The following RYR2 variants were observed in gnomAD, a reference collection of about 807,000 sequenced individuals.
The protein encoded by RYR2 is ryanodine receptor 2.
RYR2 carries 227 observed loss-of-function variants against 601.1 expected under a neutral mutation model. The ratio of observed to expected loss-of-function variants is 0.38; its 90% CI spans 0.34 to 0.42. The LOEUF (loss-of-function observed/expected upper bound fraction) is 0.42, where lower values mean the gene tolerates loss of function less well. Among genes scored for constraint, RYR2 ranks in the 10% least tolerant of loss-of-function variants. The pLI is 1.00. For missense variants in RYR2, 4,646 were observed against 6,156.5 expected (o/e 0.75, Z 8.21); for synonymous variants, 2,223 against 2,175.1 (o/e 1.02, Z -0.61).
intron 71 of RYR2, among the ~76,000 whole-genome samples, chr1:237,716,412 A>G (rs1306171781): frequency 6.6e-6 from 1 of 152,190 alleles, no homozygotes; most frequent in Admixed American, 6.5e-5. Flanking sequence ...GCTACAAAAT[A>G]TTCAACATGC....
At chr1:237,623,367 C>CTTTCTTTGTTTG (rs1339955020) in intron 38 of RYR2, among the ~76,000 whole-genome samples, 7 of 61,692 alleles carry the variant, frequency 1.1e-4, no homozygotes, top group Admixed American at 2.0e-4. Context: ...TTGTTTCTTT[C>CTTTCTTTGTTTG]TTTCTTTCTT....
intron 101 of RYR2, among the ~76,000 whole-genome samples, chr1:237,826,747 C>G (rs1574108803): frequency 6.6e-6 from 1 of 152,192 alleles, no homozygotes; most frequent in East Asian, 1.9e-4. Context: ...TGAATACCTA[C>G]TATCTGCCCA....
At chr1:237,744,295 A>G (rs964519610) in intron 80 of RYR2, among the ~76,000 whole-genome samples, 4 of 151,584 alleles carry the variant, frequency 2.6e-5, no homozygotes, top group African/African-American at 4.8e-5. Context: ...AAAATCAATC[A>G]TAAACATTCT....
chr1:237,671,335 C>T (rs551659918), intron 58 of RYR2, among the ~76,000 whole-genome samples: 1 of 152,074 alleles, frequency 6.6e-6, no homozygotes, highest in Non-Finnish European at 1.5e-5. Flanking sequence ...AGAGCAGAAA[C>T]GACATGTGTC....
At chr1:237,810,482 A>G (rs1223715210) in intron 100 of RYR2, among the ~76,000 whole-genome samples, 3 of 152,216 alleles carry the variant, frequency 2.0e-5, no homozygotes, top group Non-Finnish European at 4.4e-5. Flanking sequence ...CAGTTGGTGA[A>G]TTGATGGGAA....
intron 14 of RYR2, among the ~76,000 whole-genome samples, chr1:237,450,996 A>ATGTTTATATTGCATATT (rs1261165872): frequency 6.6e-6 from 1 of 151,890 alleles, no homozygotes; most frequent in Non-Finnish European, 1.5e-5. Context: ...TATTGCATAT[A>ATGTTTATATTGCATATT]TATTTATATT....
intron 3 of RYR2, among the ~76,000 whole-genome samples, chr1:237,334,424 A>C (rs948286324): frequency 2.8e-5 from 4 of 143,788 alleles, no homozygotes; most frequent in Admixed American, 1.5e-4. Context: ...ATTTTCTAAA[A>C]TGTCTGTTTA....
At chr1:237,494,078 TAGTC>T (rs1663750857) in intron 19 of RYR2, among the ~76,000 whole-genome samples, 1 of 152,138 alleles carries the variant, frequency 6.6e-6, no homozygotes, top group African/African-American at 2.4e-5. Flanking sequence ...TCCCCTGTAT[TAGTC>T]AGGCTTCTCT....
chr1:237,434,800 G>A (rs1211983733), intron 12 of RYR2, among the ~76,000 whole-genome samples: 1 of 152,046 alleles, frequency 6.6e-6, no homozygotes. Context: ...TTGAGACAGA[G>A]TCTCTCGCTC....
At chr1:237,070,804 C>T (rs1413263641) in intron 1 of RYR2, among the ~76,000 whole-genome samples, 5 of 152,208 alleles carry the variant, frequency 3.3e-5, no homozygotes, top group Non-Finnish European at 7.3e-5. Context: ...TGGATCAGAC[C>T]TACTGCAAGT....
intron 2 of RYR2, among the ~76,000 whole-genome samples, chr1:237,274,933 G>A (rs1281210901): frequency 6.6e-6 from 1 of 152,022 alleles, no homozygotes; most frequent in African/African-American, 2.4e-5. Flanking sequence ...TAGGTGTATA[G>A]GAGGCTGTAC....
intron 1 of RYR2, among the ~76,000 whole-genome samples, chr1:237,229,206 GA>G (rs1684713393): frequency 2.6e-5 from 4 of 152,102 alleles, no homozygotes; most frequent in Admixed American, 2.0e-4. Flanking sequence ...GATAAACCTG[GA>G]AAAATACTTA....
intron 1 of RYR2, among the ~76,000 whole-genome samples, chr1:237,148,249 C>T (rs1222465143): frequency 6.6e-6 from 1 of 151,844 alleles, no homozygotes; most frequent in African/African-American, 2.4e-5. Context: ...CGTGCACGTG[C>T]AGGAACAGAA....
intron 17 of RYR2, among the ~76,000 whole-genome samples, chr1:237,473,477 C>CTTTCTTCTTCT (rs1553464755): frequency 1.4e-5 from 2 of 145,548 alleles, no homozygotes; most frequent in Non-Finnish European, 1.5e-5. Context: ...ATCTATCTAT[C>CTTTCTTCTTCT]TGGCATATAT....
intron 38 of RYR2, among the ~76,000 whole-genome samples, chr1:237,617,935 C>G (rs1678653471): frequency 6.6e-6 from 1 of 152,122 alleles, no homozygotes; most frequent in African/African-American, 2.4e-5. Context: ...TTGCTTACCC[C>G]CAAAGTCAGG....
intron 10 of RYR2, among the ~76,000 whole-genome samples, chr1:237,412,579 T>C (rs1704558408): frequency 6.6e-6 from 1 of 152,226 alleles, no homozygotes; most frequent in Non-Finnish European, 1.5e-5. Flanking sequence ...TCCAGTTCTT[T>C]TAGCACATAC....
chr1:237,759,507 A>G (rs1693235699), intron 82 of RYR2, among the ~76,000 whole-genome samples: 1 of 152,208 alleles, frequency 6.6e-6, no homozygotes, highest in African/African-American at 2.4e-5. Flanking sequence ...AAGAGTGACC[A>G]GGAGAGAATT....
In RYR2 at chr1:237,142,891, G is replaced by A. The variant is rs767833650; in HGVS notation, c.48+100322G>A. On this transcript the variant is annotated intron_variant, in intron 1 of 104. Transcript: ENST00000366574. ...GGAAACCAGCATTGCAGGTAATTTC[G>A]GGGGCCTCTCGGTAGCACCGGCTCC... Among the ~76,000 whole-genome samples the A allele has an allele frequency of 1.5e-4, 23 of 152,150 alleles. No homozygotes were observed. The East Asian group carries it at 3.7e-3, about 24-fold the overall frequency.
At position 237,783,955 on chromosome 1, in the gene RYR2, A is replaced by G. The variant is rs766202701; in HGVS notation, c.12243A>G (p.Glu4081=). The change falls in exon 90 of 105, where the codon GAA becomes GAG. Residue 4081 remains glutamate (E), a synonymous_variant. Transcript: ENST00000366574. The part of the protein sequence containing the change: ...ETDENETLDY[E]EFVKRFHEPA... The stretch of plus-strand genomic sequence containing the variant: ...ATGAGAATGAAACCCTCGACTACGA[A>G]GAGTTCGTCAAACGCTTCCACGAAC... The G allele has an allele frequency of 1.9e-6, 3 of 1,613,722 alleles. No individual in the cohort carries two copies. The highest frequency in any genetic ancestry group is 1.7e-5 in the Admixed American group (1 of 59,998).
Sources: gnomAD v4.1 joint callset for allele counts (sites outside exome capture counted in the v4.1 genomes callset) on GRCh38, gnomAD v4.1.1 for gene constraint, MANE v1.5 for transcripts, NCBI Gene and HGNC (gene_info 2026-07-23, HGNC 2026-07-21) for gene names.